The following SPATA13 variants were observed in gnomAD, a reference collection of about 807,000 sequenced individuals.
SPATA13 encodes the protein spermatogenesis associated 13.
A neutral mutation model predicts 104.0 loss-of-function variants in SPATA13; 50 were observed. The observed-to-expected ratio is 0.48, with a 90% CI of 0.38 to 0.61. The LOEUF (loss-of-function observed/expected upper bound fraction) is 0.61. Among genes scored for constraint, SPATA13 ranks in the 20% least tolerant of loss-of-function variants. The pLI is 0.00. For missense variants in SPATA13, 1,524 were observed against 1,690.6 expected (o/e 0.90, Z 1.73); for synonymous variants, 606 against 667.5 (o/e 0.91, Z 1.42).
chr13:24,109,546 T>A (rs11840635), intron 3 of SPATA13, among the ~76,000 whole-genome samples: 3 of 152,168 alleles, frequency 2.0e-5, no homozygotes, highest in Admixed American at 2.0e-4. Flanking sequence ...TCCCTTACTG[T>A]CATTTGGAGG....
rs373852174 is a variant in SPATA13 at position 24,251,720 on chromosome 13, G to A, written c.2022G>A (p.Pro674=). 5.6e-5 allele frequency: 91 copies of A among 1,612,896 alleles called. No homozygotes were observed. Among genetic ancestry groups the A allele is most frequent in the Middle Eastern group, 1.6e-4 (1 of 6,078 alleles). The change falls in exon 4 of 13, where the codon CCG becomes CCA. Residue 674 remains proline, a splice_region_variant and synonymous_variant. Transcript: ENST00000382108. ...CAGATTTTGCTTTCTTTTTGCAGCC[G>A]GCTTCCAGGCCGCCCATGCCTGCTC... ...TEELDNLLTQ[P]ASRPPMPAHQ...
chr13:24,019,741 G>A (rs1425980042), intron 3 of SPATA13, among the ~76,000 whole-genome samples: 2 of 152,056 alleles, frequency 1.3e-5, no homozygotes, highest in Admixed American at 6.5e-5. Flanking sequence ...TGAAATACTC[G>A]TTGGAATCCT....
intron 1 of SPATA13, among the ~76,000 whole-genome samples, chr13:24,189,690 A>ATT (rs1491122132): frequency 6.9e-5 from 1 of 14,460 alleles, no homozygotes; most frequent in Non-Finnish European, 4.4e-4. Flanking sequence ...ATTTATATAT[A>ATT]ATATATAATA....
chr13:24,050,372 G>A (rs1593299247), intron 3 of SPATA13, among the ~76,000 whole-genome samples: 1 of 152,102 alleles, frequency 6.6e-6, no homozygotes, highest in Non-Finnish European at 1.5e-5. Flanking sequence ...AAATTTCCCC[G>A]CTTGACTCAT....
intron 3 of SPATA13, among the ~76,000 whole-genome samples, chr13:24,068,091 A>T (rs1879031712): frequency 6.6e-6 from 1 of 152,144 alleles, no homozygotes; most frequent in African/African-American, 2.4e-5. Flanking sequence ...TGTTGTACAG[A>T]TTATTTCATC....
chr13:24,224,342 C>T lies in SPATA13; in HGVS notation c.1413C>T (p.Pro471=). ...PTPLRPTTPK[P]QSPQSPQSPG... is the part of the protein sequence containing the mutation. ...CTCTAAGGCCCACCACACCCAAGCC[C>T]CAGAGCCCTCAGAGCCCCCAGAGCC... Residue 471 remains proline (P), a synonymous_variant, in exon 2 of 13, where the codon CCC becomes CCT. Transcript: ENST00000382108. 6.4e-7 allele frequency: 1 copy of T among 1,551,702 alleles called. No individual in the cohort carries two copies. Among genetic ancestry groups the T allele is most frequent in the Non-Finnish European group, 8.7e-7 (1 of 1,146,998 alleles).
At chr13:24,126,281 A>C (rs1171231550) in intron 3 of SPATA13, among the ~76,000 whole-genome samples, 1 of 152,162 alleles carries the variant, frequency 6.6e-6, no homozygotes, top group Non-Finnish European at 1.5e-5. Flanking sequence ...GAGGTGGGGT[A>C]CAGCCTAAGG....
At chr13:24,284,397 AAAC>A (rs1217693750) in intron 5 of SPATA13, 126 bp downstream of exon 5, 4 of 1,073,850 alleles carry the variant, frequency 3.7e-6, no homozygotes, top group Non-Finnish European at 2.6e-6. Flanking sequence ...ACTCTGATTA[AAAC>A]AACACTGTGA....
intron 3 of SPATA13, among the ~76,000 whole-genome samples, chr13:24,102,971 A>T (rs569282698): frequency 1.3e-5 from 2 of 152,230 alleles, no homozygotes; most frequent in Admixed American, 1.3e-4. Context: ...TAAAATCAGG[A>T]CTCAACTTTA....
At chr13:24,203,171 C>T (rs765815850) in intron 1 of SPATA13, among the ~76,000 whole-genome samples, 8 of 152,096 alleles carry the variant, frequency 5.3e-5, no homozygotes, top group South Asian at 2.1e-4. Flanking sequence ...TGTTGTTCCC[C>T]TCCATGTGAA....
intron 3 of SPATA13, among the ~76,000 whole-genome samples, chr13:24,133,867 A>G (rs7335477): frequency 0.11 from 17,206 of 152,202 alleles, 1,341 homozygotes; most frequent in East Asian, 0.44. Flanking sequence ...AGTCCCCAGG[A>G]TGTGGCCTCC....
chr13:24,040,936 C>T (rs1314363745), intron 3 of SPATA13, among the ~76,000 whole-genome samples: 2 of 152,120 alleles, frequency 1.3e-5, no homozygotes, highest in South Asian at 2.1e-4. Context: ...ACTGGGAAGC[C>T]CCTGGGGGAG....
At chr13:24,158,124 G>A (rs1882318025), upstream of SPATA13, among the ~76,000 whole-genome samples, 1 of 152,204 alleles carries the variant, frequency 6.6e-6, no homozygotes, top group Non-Finnish European at 1.5e-5. Flanking sequence ...CTCTCCTGCA[G>A]AAAGCATCAG....
At chr13:24,301,478 G>A (rs1272446091) in intron 12 of SPATA13, among the ~76,000 whole-genome samples, 1 of 152,210 alleles carries the variant, frequency 6.6e-6, no homozygotes, top group Non-Finnish European at 1.5e-5. Flanking sequence ...AATGTCAGAT[G>A]ACTAGTAAAT....
intron 3 of SPATA13, among the ~76,000 whole-genome samples, chr13:24,097,503 T>C (rs759203644): frequency 1.3e-5 from 2 of 151,618 alleles, no homozygotes; most frequent in Non-Finnish European, 2.9e-5. Flanking sequence ...TACTAGATTC[T>C]GGGGAGACTG....
rs1456094542 is a variant in SPATA13, at chr13:24,122,135, C to A, written c.-111-100684C>A. The A allele has an allele frequency of 3.1e-6, 5 of 1,611,696 alleles. No homozygotes were observed. The East Asian group carries it at 1.1e-4, about 36-fold the overall frequency. On this transcript the variant is annotated intron_variant, in intron 3 of 14. Transcript: ENST00000424834. ...CACAACTGGAGCACTGAATTTGTAT[C>A]CTCCATGCTTCTCAATCATTTTGGA...
chr13:24,081,074 CCTGT>C (rs1488356195), intron 3 of SPATA13, among the ~76,000 whole-genome samples: 1 of 152,158 alleles, frequency 6.6e-6, no homozygotes, highest in Non-Finnish European at 1.5e-5. Flanking sequence ...GCATTTATTT[CCTGT>C]CTATTATATG....
chr13:24,143,428 G>A (rs1331907267), intron 3 of SPATA13, among the ~76,000 whole-genome samples: 1 of 152,160 alleles, frequency 6.6e-6, no homozygotes, highest in Non-Finnish European at 1.5e-5. Flanking sequence ...GTTTTGTGTT[G>A]ATAAAAATCC....
Position 24,222,914 on chromosome 13 carries a change from G to A in SPATA13, c.-16G>A, listed in dbSNP as rs1184670251. 1.7e-5 allele frequency: 26 copies of A among 1,550,388 alleles called. No homozygotes were observed. The highest frequency in any genetic ancestry group is 1.9e-5 in the Non-Finnish European group (22 of 1,146,400). Reference sequence around the variant, plus strand: ...GCCTGGAGCTGCGGTCTGCGGACTCGGCAGTGCCCGTGGCCATGACCCAGG... The same window carrying A: ...GCCTGGAGCTGCGGTCTGCGGACTCAGCAGTGCCCGTGGCCATGACCCAGG... On this transcript the variant is annotated 5_prime_UTR_variant, in exon 2 of 13. Coordinates refer to ENST00000382108, the MANE Select transcript of SPATA13 (RefSeq NM_001166271.3).
Sources: allele counts gnomAD v4.1 joint callset (sites outside exome capture counted in the v4.1 genomes callset), GRCh38; gene constraint gnomAD v4.1.1; transcripts MANE v1.5; gene names NCBI Gene and HGNC (gene_info 2026-07-23, HGNC 2026-07-21).